Variants in ABI3BP observed in about 807,000 individuals in gnomAD.
ABI3BP encodes ABI family member 3 binding protein.
In ABI3BP, 216 loss-of-function variants were observed where a neutral mutation model predicts 268.6. The observed-to-expected ratio is 0.80, with a 90% CI of 0.72 to 0.90. ABI3BP has a LOEUF of 0.90. Ranked by LOEUF, ABI3BP falls within the 40% of genes least tolerant of loss-of-function variation. The pLI, the probability that ABI3BP is intolerant of heterozygous loss-of-function variation, is 0.00. For synonymous variants in ABI3BP, 730 were observed against 730.0 expected (o/e 1.00, Z 0.00); for missense variants, 2,090 against 2,182.4 (o/e 0.96, Z 0.84).
At chr3:100,791,889 C>T (rs960885650) in intron 55 of ABI3BP, among the ~76,000 whole-genome samples, 3 of 151,750 alleles carry the variant, frequency 2.0e-5, no homozygotes, top group Non-Finnish European at 2.9e-5. Flanking sequence ...CTTCTCCCAC[C>T]AACTTTCCCC....
chr3:100,789,525 G>T lies in ABI3BP; in HGVS notation c.4025-9C>A. On this transcript the variant is annotated splice_polypyrimidine_tract_variant and intron_variant, in intron 55 of 67. Coordinates refer to ENST00000471714, the MANE Select transcript of ABI3BP (RefSeq NM_001375547.2). ...ATAAAATCTGTGTGGCGCTGAAACA[G>T]AGGAACACTTTATATTTAATAACCA... 6.3e-7 allele frequency: 1 copy of T among 1,584,376 alleles called. No homozygotes were observed. Among genetic ancestry groups the T allele is most frequent in the Non-Finnish European group, 8.6e-7 (1 of 1,163,782 alleles).
intron 2 of ABI3BP, among the ~76,000 whole-genome samples, chr3:100,921,786 TAGAA>T (rs1166991927): frequency 2.6e-5 from 4 of 152,162 alleles, no homozygotes; most frequent in East Asian, 3.9e-4. Flanking sequence ...ACTTAATAAA[TAGAA>T]AGATAATAGA....
intron 2 of ABI3BP, among the ~76,000 whole-genome samples, chr3:100,921,152 C>T (rs188084198): frequency 2.0e-5 from 3 of 152,292 alleles, no homozygotes; most frequent in South Asian, 2.1e-4. Context: ...TGTGAGAACA[C>T]GAGAATTAAA....
chr3:100,750,672 A>ATAGAT (rs1297277275), intron 67 of ABI3BP, 62 bp from the exon 68 acceptor site: 1 of 1,223,500 alleles, frequency 8.2e-7, no homozygotes, highest in African/African-American at 1.5e-5. Context: ...CTCACAGCTC[A>ATAGAT]TAGATTGAAG....
At chr3:100,989,194 G>C (rs955275855) in intron 1 of ABI3BP, among the ~76,000 whole-genome samples, 6 of 152,170 alleles carry the variant, frequency 3.9e-5, no homozygotes, top group Non-Finnish European at 8.8e-5. Flanking sequence ...CCAGATGCCA[G>C]CACTTTGATC....
intron 63 of ABI3BP, 83 bp from the exon 64 acceptor site, chr3:100,754,774 C>T: frequency 2.8e-6 from 3 of 1,083,898 alleles, no homozygotes; most frequent in Non-Finnish European, 4.2e-6. Context: ...CGGACATCCA[C>T]TATACTGACA....
chr3:100,816,155 A>G (rs192827401), intron 43 of ABI3BP, 184 bp from the exon 44 acceptor site: 3 of 536,724 alleles, frequency 5.6e-6, no homozygotes, highest in African/African-American at 3.8e-5. Flanking sequence ...TCATCAAAGA[A>G]GGTAGTTACA....
intron 1 of ABI3BP, among the ~76,000 whole-genome samples, chr3:100,950,595 T>A (rs1274705822): frequency 6.6e-6 from 1 of 152,040 alleles, no homozygotes; most frequent in Non-Finnish European, 1.5e-5. Flanking sequence ...AAGATGAAGG[T>A]CGAGGTGTTA....
At chr3:100,856,224 C>T (rs2098938403) in intron 14 of ABI3BP, among the ~76,000 whole-genome samples, 1 of 152,184 alleles carries the variant, frequency 6.6e-6, no homozygotes, top group East Asian at 1.9e-4. Flanking sequence ...AGCAAACCAC[C>T]TGCTGCCAAA....
rs1304816231 is a variant in ABI3BP, at chr3:100,822,685, G to C, written c.2804-13C>G. ...GATGTTTTGGAAGCTGAAGGAAGAA[G>C]TTCTTGGGTTACAACATAACTGCAT... On this transcript the variant is annotated splice_polypyrimidine_tract_variant and intron_variant, in intron 37 of 67. Transcript: ENST00000471714. 10 of 1,535,528 alleles carry C rather than the reference G, an allele frequency of 6.5e-6. No individual in the cohort carries two copies. Among genetic ancestry groups the C allele is most frequent in the Non-Finnish European group, 8.7e-6 (10 of 1,146,106 alleles).
chr3:100,827,085 T>C (rs2098400812), intron 34 of ABI3BP, among the ~76,000 whole-genome samples: 2 of 152,178 alleles, frequency 1.3e-5, no homozygotes, highest in Non-Finnish European at 2.9e-5. Flanking sequence ...CCTGGCTCTG[T>C]TGAAACCCAA....
Position 100,909,319 on chromosome 3 carries a change from G to A in ABI3BP, c.260-6633C>T, listed in dbSNP as rs532284464. Among the ~76,000 whole-genome samples, 163 of 151,804 alleles carry A rather than the reference G, an allele frequency of 1.1e-3. 1 individual carries two copies. The highest frequency in any genetic ancestry group is 3.6e-3 in the African/African-American group (150 of 41,370). On this transcript the variant is annotated intron_variant, in intron 2 of 67. Coordinates refer to ENST00000471714, the MANE Select transcript of ABI3BP (RefSeq NM_001375547.2). Reference sequence around the variant, plus strand: ...ACCATAAAAACCCTAGAAGAAAACCGAGGCAATACCATTCAGGACATAGGC... The same window carrying A: ...ACCATAAAAACCCTAGAAGAAAACCAAGGCAATACCATTCAGGACATAGGC...
At chr3:100,768,368 G>T (rs777063437) in intron 62 of ABI3BP, among the ~76,000 whole-genome samples, 2 of 152,114 alleles carry the variant, frequency 1.3e-5, no homozygotes, top group Admixed American at 1.3e-4. Context: ...GATTACAGGC[G>T]TGAGCCACTG....
At chr3:100,770,695 T>C in intron 62 of ABI3BP, 48 bp downstream of exon 62, 1 of 1,393,754 alleles carries the variant, frequency 7.2e-7, no homozygotes, top group Non-Finnish European at 9.4e-7. Flanking sequence ...CCAGGGTATC[T>C]TGTTATCAAA....
intron 51 of ABI3BP, among the ~76,000 whole-genome samples, chr3:100,797,615 T>A (rs2097387461): frequency 6.6e-6 from 1 of 151,146 alleles, no homozygotes; most frequent in Admixed American, 6.6e-5. Flanking sequence ...TTACCATTAG[T>A]GGAGAAATAG....
At chr3:100,951,795 C>T (rs532276872) in intron 1 of ABI3BP, among the ~76,000 whole-genome samples, 1 of 152,046 alleles carries the variant, frequency 6.6e-6, no homozygotes, top group South Asian at 2.1e-4. Flanking sequence ...AAAGGCTAAA[C>T]TTCTAATTAA....
chr3:100,772,435 T>C (rs2096573249), intron 61 of ABI3BP, among the ~76,000 whole-genome samples: 1 of 152,098 alleles, frequency 6.6e-6, no homozygotes. Context: ...CATGTAAAAG[T>C]AAAATGTATG....
chr3:100,850,191 C>T (rs757894359), intron 16 of ABI3BP, 72 bp from the exon 17 acceptor site: 349 of 1,365,260 alleles, frequency 2.6e-4, no homozygotes, highest in Middle Eastern at 3.5e-4. Flanking sequence ...TTTTAACATG[C>T]TTTTAGATGG....
chr3:100,851,251 C>T (rs551135716), intron 15 of ABI3BP, among the ~76,000 whole-genome samples: 1 of 152,212 alleles, frequency 6.6e-6, no homozygotes, highest in Non-Finnish European at 1.5e-5. Flanking sequence ...AGGTAACTCA[C>T]TATAGATGGG....
Sources: allele counts gnomAD v4.1 joint callset (sites outside exome capture counted in the v4.1 genomes callset), GRCh38; gene constraint gnomAD v4.1.1; transcripts MANE v1.5; gene names NCBI Gene and HGNC (gene_info 2026-07-23, HGNC 2026-07-21).